HERC3: variants seen among roughly 807,000 people sequenced by gnomAD.
HERC3 encodes the protein HECT and RLD domain containing E3 ubiquitin protein ligase 3.
A neutral mutation model predicts 129.9 loss-of-function variants in HERC3; 58 were observed. The observed-to-expected ratio is 0.45, with a 90% CI of 0.36 to 0.56. HERC3 has a LOEUF of 0.56. Ranked by LOEUF, HERC3 falls within the 20% of genes least tolerant of loss-of-function variation. The pLI is 0.00. For synonymous variants in HERC3, 430 were observed against 451.0 expected (o/e 0.95, Z 0.59); for missense variants, 835 against 1,244.2 (o/e 0.67, Z 4.95).
At chr4:88,602,729 C>T (rs947591535) in intron 2 of HERC3, among the ~76,000 whole-genome samples, 2 of 152,128 alleles carry the variant, frequency 1.3e-5, no homozygotes, top group Non-Finnish European at 2.9e-5. Flanking sequence ...GTCCTCTCAC[C>T]TTGGCCTCCC....
the HERC3 span, among the ~76,000 whole-genome samples, chr4:88,582,886 T>A: frequency 1.3e-4 from 20 of 151,672 alleles, no homozygotes; most frequent in Admixed American, 1.2e-3. Context: ...ATTGCCTACA[T>A]CCCCCACTTC....
At chr4:88,577,147 C>T in the HERC3 span, among the ~76,000 whole-genome samples, 1 of 152,090 alleles carries the variant, frequency 6.6e-6, no homozygotes, top group East Asian at 1.9e-4. Context: ...ATAGCAAGAT[C>T]TAAGTTGTGG....
At chr4:88,539,855 A>G in the HERC3 span, among the ~76,000 whole-genome samples, 2 of 152,222 alleles carry the variant, frequency 1.3e-5, no homozygotes, top group Non-Finnish European at 2.9e-5. Flanking sequence ...CCTGACTGTT[A>G]GAAGGAAAAA....
the HERC3 span, among the ~76,000 whole-genome samples, chr4:88,577,968 C>T: frequency 6.6e-6 from 1 of 152,124 alleles, no homozygotes; most frequent in East Asian, 1.9e-4. Context: ...CAGGCAGATT[C>T]TGTAACACTA....
upstream of HERC3, among the ~76,000 whole-genome samples, chr4:88,590,551 T>C (rs896807335): frequency 6.6e-6 from 1 of 152,102 alleles, no homozygotes; most frequent in African/African-American, 2.4e-5. Context: ...AGAGCGAGAC[T>C]CCGTCTCAAA....
intron 2 of HERC3, among the ~76,000 whole-genome samples, chr4:88,596,733 G>T (rs1722436205): frequency 6.6e-6 from 1 of 152,204 alleles, no homozygotes; most frequent in Admixed American, 6.5e-5. Flanking sequence ...AAGGACAGAA[G>T]CAGAATATCA....
Position 88,693,668 on chromosome 4 carries a change from A to G in HERC3, c.2657+6369A>G, listed in dbSNP as rs1030226034. 4.1e-6 allele frequency: 4 copies of G among 983,848 alleles called. No homozygotes were observed. The African/African-American group carries it at 5.2e-5, about 13-fold the overall frequency. The allele number at this position is 983,848 out of a possible 1,614,324, so 60.9% of individuals were successfully genotyped here. On this transcript the variant is annotated intron_variant, in intron 23 of 25. Coordinates refer to ENST00000402738, the MANE Select transcript of HERC3 (RefSeq NM_014606.3). The stretch of plus-strand genomic sequence containing the variant: ...CTCAATAAAGTGTGTACATGTGTGT[A>G]TATGTGTAAATGTGTCTATGTGTAT...
intron 3 of HERC3, among the ~76,000 whole-genome samples, chr4:88,636,257 A>C (rs570786350): frequency 6.6e-6 from 1 of 152,322 alleles, no homozygotes; most frequent in South Asian, 2.1e-4. Context: ...GACCCATCTC[A>C]TGTGCAGAGA....
intron 9 of HERC3, 109 bp downstream of exon 9, chr4:88,656,144 T>G: frequency 9.6e-7 from 1 of 1,043,006 alleles, no homozygotes; most frequent in South Asian, 1.6e-5. Flanking sequence ...GGAATGAAGA[T>G]AAGGTATTTT....
intron 3 of HERC3, among the ~76,000 whole-genome samples, chr4:88,612,501 C>T (rs1724458072): frequency 6.6e-6 from 1 of 152,056 alleles, no homozygotes; most frequent in Non-Finnish European, 1.5e-5. Context: ...AAGCATTTTT[C>T]AGATGTAGTA....
At chr4:88,552,542 C>T in the HERC3 span, among the ~76,000 whole-genome samples, 13 of 152,300 alleles carry the variant, frequency 8.5e-5, no homozygotes, top group East Asian at 2.5e-3. Flanking sequence ...CATGGGCCAC[C>T]ACAACTGGCT....
chr4:88,667,549 A>T, intron 13 of HERC3, 61 bp downstream of exon 13: 1 of 862,540 alleles, frequency 1.2e-6, no homozygotes, highest in Non-Finnish European at 1.8e-6. Context: ...GATGAATTCA[A>T]CTTCAAGAGA....
intron 23 of HERC3, chr4:88,696,675 A>G (rs1734629958): frequency 6.5e-6 from 1 of 152,932 alleles, no homozygotes; most frequent in Non-Finnish European, 1.5e-5. Flanking sequence ...ATCTTCCTCA[A>G]TGCCATCAAT....
At chr4:88,583,061 C>T in the HERC3 span, among the ~76,000 whole-genome samples, 2 of 152,118 alleles carry the variant, frequency 1.3e-5, no homozygotes, top group Non-Finnish European at 2.9e-5. Context: ...ACAGAACTTC[C>T]AGAGGGAAAG....
chr4:88,548,954 C>T, the HERC3 span, among the ~76,000 whole-genome samples: 1 of 152,184 alleles, frequency 6.6e-6, no homozygotes, highest in Non-Finnish European at 1.5e-5. Context: ...AGCCACTGCG[C>T]CCGGCCCATC....
At position 88,667,016 on chromosome 4, in the gene HERC3, G is replaced by GA. The variant is rs937486446; in HGVS notation, c.1332-354dup. Among the ~76,000 whole-genome samples the GA allele has an allele frequency of 2.3e-4, 35 of 151,900 alleles. 1 individual carries two copies. The highest frequency in any genetic ancestry group is 8.5e-4 in the African/African-American group (35 of 41,392). On this transcript the variant is annotated intron_variant, in intron 12 of 25. Coordinates refer to ENST00000402738, the MANE Select transcript of HERC3 (RefSeq NM_014606.3). ...TCTAGTTCAATGAGCCACAAAAACA[G>GA]AAAAAAACCAAAAAACACAAGATGA...
intron 3 of HERC3, among the ~76,000 whole-genome samples, chr4:88,614,727 A>C (rs1318765611): frequency 6.6e-6 from 1 of 152,048 alleles, no homozygotes; most frequent in African/African-American, 2.4e-5. Flanking sequence ...TGAATTATTT[A>C]CTTCTTATTC....
intron 3 of HERC3, among the ~76,000 whole-genome samples, chr4:88,607,657 C>T (rs967073231): frequency 3.3e-5 from 5 of 152,058 alleles, no homozygotes; most frequent in Admixed American, 3.3e-4. Flanking sequence ...TTAGTAGAGA[C>T]GGAGTTTTGC....
chr4:88,570,898 C>T, the HERC3 span, among the ~76,000 whole-genome samples: 3 of 151,764 alleles, frequency 2.0e-5, no homozygotes, highest in South Asian at 2.1e-4. Flanking sequence ...GGACTACAGG[C>T]GCCCACCACC....
Sources: allele counts gnomAD v4.1 joint callset (sites outside exome capture counted in the v4.1 genomes callset), GRCh38; gene constraint gnomAD v4.1.1; transcripts MANE v1.5; gene names NCBI Gene and HGNC (gene_info 2026-07-23, HGNC 2026-07-21).